The following ARHGEF28 variants were observed in gnomAD, a reference collection of about 807,000 sequenced individuals.
ARHGEF28 encodes the protein Rho guanine nucleotide exchange factor 28.
A neutral mutation model predicts 206.6 loss-of-function variants in ARHGEF28; 152 were observed. The observed-to-expected ratio is 0.74, with a 90% CI of 0.64 to 0.84. ARHGEF28 has a LOEUF of 0.84. ARHGEF28 is among the 40% of genes least tolerant of loss of function. The pLI is 0.00. For missense variants in ARHGEF28, 2,028 were observed against 2,073.2 expected, an observed-to-expected ratio of 0.98 and a Z score of 0.42; for synonymous variants, 763 against 776.4, an observed-to-expected ratio of 0.98 and a Z score of 0.29.
In ARHGEF28 at chr5:73,725,818, A is replaced by G. The variant is rs548913103; in HGVS notation, c.34-24019A>G. On this transcript the variant is annotated intron_variant, in intron 2 of 35. Coordinates refer to ENST00000513042, the MANE Select transcript of ARHGEF28 (RefSeq NM_001177693.2). ...TAGGCTCATGACATTTGACTGGACA[A>G]TGAGGAAGAGTAGAAAAAGGGTCTG... Among the ~76,000 whole-genome samples, 42 of 152,332 alleles carry G rather than the reference A, an allele frequency of 2.8e-4. 1 individual carries two copies. Among genetic ancestry groups the G allele is most frequent in the African/African-American group, 9.9e-4 (41 of 41,580 alleles).
chr5:73,745,417 G>A (rs1244452212), intron 2 of ARHGEF28, among the ~76,000 whole-genome samples: 5 of 152,046 alleles, frequency 3.3e-5, no homozygotes, highest in Non-Finnish European at 7.4e-5. Context: ...GATAGTTTAA[G>A]GTGGCAAAAA....
intron 35 of ARHGEF28, among the ~76,000 whole-genome samples, chr5:73,927,858 C>T (rs552245008): frequency 2.0e-5 from 3 of 152,234 alleles, no homozygotes; most frequent in South Asian, 4.2e-4. Context: ...CTGCACTAAA[C>T]GAAACACAGT....
intron 1 of ARHGEF28, among the ~76,000 whole-genome samples, chr5:73,675,642 A>G (rs1278388003): frequency 2.0e-5 from 3 of 148,416 alleles, no homozygotes; most frequent in Non-Finnish European, 4.5e-5. Context: ...CTGAGGCAGG[A>G]GAATGGCATG....
At chr5:73,851,530 A>T (rs1213234786) in intron 13 of ARHGEF28, among the ~76,000 whole-genome samples, 7 of 152,124 alleles carry the variant, frequency 4.6e-5, no homozygotes, top group Non-Finnish European at 1.0e-4. Context: ...AGAAAGGAAC[A>T]TTGCCAATAT....
chr5:73,737,508 TTTTCTTTTCTTTTC>T (rs1751055073), intron 2 of ARHGEF28, among the ~76,000 whole-genome samples: 1 of 131,406 alleles, frequency 7.6e-6, no homozygotes, highest in Admixed American at 8.1e-5. Flanking sequence ...TTTTCTTTTC[TTTTCTTTTCTTTTC>T]TTTTTTGTGA....
intron 7 of ARHGEF28, among the ~76,000 whole-genome samples, chr5:73,790,591 T>C (rs572002051): frequency 1.3e-5 from 2 of 152,122 alleles, no homozygotes; most frequent in South Asian, 4.2e-4. Flanking sequence ...ATTTTGATAT[T>C]TCTGTAAATA....
intron 16 of ARHGEF28, among the ~76,000 whole-genome samples, chr5:73,862,878 C>G (rs1580002320): frequency 6.7e-6 from 1 of 149,070 alleles, no homozygotes; most frequent in Admixed American, 6.7e-5. Context: ...AAAAAAACTA[C>G]AGTGAATCCT....
At chr5:73,657,735 G>A (rs1047003212) in intron 1 of ARHGEF28, among the ~76,000 whole-genome samples, 1 of 152,160 alleles carries the variant, frequency 6.6e-6, no homozygotes, top group Non-Finnish European at 1.5e-5. Context: ...CAAAGACTTA[G>A]GCTGAGACCA....
chr5:73,742,018 T>G (rs959384915), intron 2 of ARHGEF28, among the ~76,000 whole-genome samples: 5 of 152,230 alleles, frequency 3.3e-5, no homozygotes, highest in African/African-American at 1.2e-4. Flanking sequence ...ACAGAAGTAA[T>G]ATTATGATAT....
At chr5:73,730,967 T>A (rs1750587678) in intron 2 of ARHGEF28, among the ~76,000 whole-genome samples, 1 of 151,048 alleles carries the variant, frequency 6.6e-6, no homozygotes, top group Admixed American at 6.6e-5. Flanking sequence ...TTTGCAATGA[T>A]CAGATGAAAT....
intron 2 of ARHGEF28, among the ~76,000 whole-genome samples, chr5:73,725,485 T>TA (rs1465694336): frequency 6.6e-6 from 1 of 150,416 alleles, no homozygotes; most frequent in Non-Finnish European, 1.5e-5. Context: ...TCTTAACTGT[T>TA]ATTTAAATGG....
chr5:73,679,413 A>C (rs1266783220), intron 1 of ARHGEF28, among the ~76,000 whole-genome samples: 3 of 152,090 alleles, frequency 2.0e-5, no homozygotes, highest in Non-Finnish European at 4.4e-5. Flanking sequence ...CTAAAAATAC[A>C]AAAATTAGCT....
chr5:73,655,405 T>A (rs1314396238), intron 1 of ARHGEF28, among the ~76,000 whole-genome samples: 5 of 152,270 alleles, frequency 3.3e-5, no homozygotes, highest in Non-Finnish European at 7.3e-5. Context: ...ACATTGGAAC[T>A]GTACTTCACA....
At chr5:73,638,660 C>CA (rs1743872023) in intron 1 of ARHGEF28, among the ~76,000 whole-genome samples, 1 of 152,102 alleles carries the variant, frequency 6.6e-6, no homozygotes, top group Non-Finnish European at 1.5e-5. Flanking sequence ...TTTTGGGGTA[C>CA]AGGGTGATTT....
At chr5:73,650,742 G>A (rs989563474) in intron 1 of ARHGEF28, among the ~76,000 whole-genome samples, 2 of 151,750 alleles carry the variant, frequency 1.3e-5, no homozygotes, top group Non-Finnish European at 2.9e-5. Flanking sequence ...TTTGCCTCCC[G>A]GGTTCAAGCG....
chr5:73,921,472 A>T (rs1561197040), intron 35 of ARHGEF28, among the ~76,000 whole-genome samples: 1 of 151,590 alleles, frequency 6.6e-6, no homozygotes, highest in African/African-American at 2.4e-5. Flanking sequence ...CTCTTTCTGG[A>T]TAAGATATTA....
At chr5:73,916,689 G>A (rs1021920663) in intron 35 of ARHGEF28, among the ~76,000 whole-genome samples, 5 of 152,068 alleles carry the variant, frequency 3.3e-5, no homozygotes, top group Admixed American at 1.3e-4. Flanking sequence ...CTGGGGGTTA[G>A]GACCTTAACA....
At chr5:73,725,548 CT>C (rs1750221909) in intron 2 of ARHGEF28, among the ~76,000 whole-genome samples, 1 of 152,112 alleles carries the variant, frequency 6.6e-6, no homozygotes, top group African/African-American at 2.4e-5. Context: ...TTATACTAAT[CT>C]TCTTAAGTGA....
intron 2 of ARHGEF28, among the ~76,000 whole-genome samples, chr5:73,704,471 C>T (rs1748807922): frequency 6.6e-6 from 1 of 152,118 alleles, no homozygotes; most frequent in Non-Finnish European, 1.5e-5. Flanking sequence ...GTCACCCAGG[C>T]TGGAGTGCAG....
Sources: allele counts gnomAD v4.1 joint callset (sites outside exome capture counted in the v4.1 genomes callset), GRCh38; gene constraint gnomAD v4.1.1; transcripts MANE v1.5; gene names NCBI Gene and HGNC (gene_info 2026-07-23, HGNC 2026-07-21).